RAB5A: variants seen among roughly 807,000 people sequenced by gnomAD.
RAB5A encodes the protein ras-related protein Rab-5A.
A neutral mutation model predicts 25.7 loss-of-function variants in RAB5A; 8 were observed. The ratio of observed to expected loss-of-function variants is 0.31; its 90% CI spans 0.18 to 0.56. The LOEUF (loss-of-function observed/expected upper bound fraction) is 0.56. Among genes scored for constraint, RAB5A ranks in the 20% least tolerant of loss-of-function variants. The pLI, the probability that RAB5A is intolerant of heterozygous loss-of-function variation, is 0.91. For synonymous variants in RAB5A, 98 were observed against 89.8 expected (o/e 1.09, Z -0.52); for missense variants, 192 against 259.7 (o/e 0.74, Z 1.79).
intron 5 of RAB5A, among the ~76,000 whole-genome samples, chr3:19,979,183 G>A (rs955483282): frequency 2.6e-5 from 4 of 151,918 alleles, no homozygotes; most frequent in African/African-American, 7.3e-5. Flanking sequence ...CACCATGTTG[G>A]TCAGGCTGGT....
At chr3:19,978,195 TAGGAATC>T in intron 4 of RAB5A, 108 bp from the exon 5 acceptor site, 1 of 740,672 alleles carries the variant, frequency 1.4e-6, no homozygotes, top group Non-Finnish European at 2.4e-6. Flanking sequence ...TAGATGATTA[TAGGAATC>T]AGGTTGTAGT....
intron 1 of RAB5A, among the ~76,000 whole-genome samples, chr3:19,948,154 T>G (rs1696358107): frequency 6.6e-6 from 1 of 152,194 alleles, no homozygotes; most frequent in African/African-American, 2.4e-5. Flanking sequence ...ACTCCTTCAC[T>G]GGGTAGAGAC....
intron 2 of RAB5A, among the ~76,000 whole-genome samples, chr3:19,969,044 G>GTTTTTTTTTTTTTTTTTTTTTTTTTTTT (rs746635502): frequency 1.5e-5 from 1 of 65,554 alleles, no homozygotes; most frequent in Non-Finnish European, 2.7e-5. Flanking sequence ...TTTTTTTTTT[G>GTTTTTTTTTTTTTTTTTTTTTTTTTTTT]GTTTTTTTTT....
At chr3:19,949,861 A>G (rs1453409171) in intron 1 of RAB5A, among the ~76,000 whole-genome samples, 2 of 151,814 alleles carry the variant, frequency 1.3e-5, no homozygotes, top group Non-Finnish European at 2.9e-5. Context: ...CCTGGGCAAC[A>G]TAGCAGTTAA....
chr3:19,959,954 AT>A (rs1234323983), intron 2 of RAB5A, among the ~76,000 whole-genome samples: 1 of 152,116 alleles, frequency 6.6e-6, no homozygotes, highest in African/African-American at 2.4e-5. Context: ...TTTCCAGATA[AT>A]TGATCTTTTT....
chr3:19,975,614 C>T lies in RAB5A; in HGVS notation c.177C>T (p.Thr59=). Residue 59 remains threonine (T), a synonymous_variant, in exon 3 of 6, where the codon ACC becomes ACT. Coordinates refer to ENST00000273047, the MANE Select transcript of RAB5A (RefSeq NM_004162.5). ...QESTIGAAFL[T]QTVCLDDTTV... ...CTTTTCTTTCAGCTGCTTTTCTAAC[C>T]CAAACTGTATGTCTTGATGACACTA... 1 of 1,609,396 alleles carries T rather than the reference C, an allele frequency of 6.2e-7. No individual in the cohort carries two copies. The highest frequency in any genetic ancestry group is 1.3e-5 in the African/African-American group (1 of 74,736).
intron 2 of RAB5A, among the ~76,000 whole-genome samples, chr3:19,952,781 G>A (rs1696442972): frequency 6.6e-6 from 1 of 151,742 alleles, no homozygotes; most frequent in African/African-American, 2.4e-5. Flanking sequence ...ACATCCACGT[G>A]TGATTTTGTT....
chr3:19,968,001 C>T (rs1696684767), intron 2 of RAB5A, among the ~76,000 whole-genome samples: 1 of 152,176 alleles, frequency 6.6e-6, no homozygotes, highest in African/African-American at 2.4e-5. Flanking sequence ...CTGAGAAAAT[C>T]TGTTATGTCG....
At chr3:19,948,194 T>G (rs1357020874) in intron 1 of RAB5A, among the ~76,000 whole-genome samples, 2 of 152,254 alleles carry the variant, frequency 1.3e-5, no homozygotes, top group Admixed American at 1.3e-4. Flanking sequence ...TTATCTTCCC[T>G]GGAAGCTGCT....
intron 2 of RAB5A, among the ~76,000 whole-genome samples, chr3:19,972,659 G>A (rs1489828923): frequency 6.6e-6 from 1 of 152,086 alleles, no homozygotes; most frequent in Non-Finnish European, 1.5e-5. Flanking sequence ...ATGCCTTTTT[G>A]TAATTTGTTT....
intron 5 of RAB5A, 104 bp downstream of exon 5, chr3:19,978,507 G>C (rs909923745): frequency 4.1e-6 from 3 of 734,502 alleles, no homozygotes; most frequent in African/African-American, 3.5e-5. Flanking sequence ...GGGTGGGTTT[G>C]TGTGTATGTT....
chr3:19,958,582 G>A (rs534727778), intron 2 of RAB5A, among the ~76,000 whole-genome samples: 2 of 152,218 alleles, frequency 1.3e-5, no homozygotes, highest in South Asian at 2.1e-4. Flanking sequence ...GGTGGCTCAC[G>A]CCTGTAATCC....
At chr3:19,948,725 G>A (rs1011460694) in intron 1 of RAB5A, among the ~76,000 whole-genome samples, 5 of 151,524 alleles carry the variant, frequency 3.3e-5, no homozygotes, top group Admixed American at 1.3e-4. Context: ...AAGTCAAAGT[G>A]AAATCAGAAT....
At chr3:19,969,031 G>GTGT (rs1559490064) in intron 2 of RAB5A, among the ~76,000 whole-genome samples, 2 of 99,702 alleles carry the variant, frequency 2.0e-5, no homozygotes, top group African/African-American at 1.0e-4. Context: ...TTTGGTTTTG[G>GTGT]TTTTTTTTTT....
chr3:19,983,635 TATAG>T (rs367932865), intron 5 of RAB5A, 69 bp from the exon 6 acceptor site: 12,817 of 1,024,136 alleles, frequency 0.013, 148 homozygotes, highest in South Asian at 0.028. Flanking sequence ...AAAGAAAAAT[TATAG>T]ATAAGCAGGT....
At chr3:19,969,948 C>T (rs1037842611) in intron 2 of RAB5A, among the ~76,000 whole-genome samples, 5 of 152,046 alleles carry the variant, frequency 3.3e-5, no homozygotes, top group Admixed American at 3.3e-4. Context: ...GGATTACAGG[C>T]TCATGCCACC....
intron 2 of RAB5A, 192 bp downstream of exon 2, chr3:19,951,253 TG>T: frequency 1.8e-6 from 1 of 568,876 alleles, no homozygotes; most frequent in South Asian, 2.9e-5. Context: ...TTTGATTGTT[TG>T]GTTAATCCCT....
chr3:19,975,953 T>C, intron 3 of RAB5A, 94 bp from the exon 4 acceptor site: 1 of 1,465,964 alleles, frequency 6.8e-7, no homozygotes, highest in South Asian at 1.4e-5. Flanking sequence ...TTTCCCACAG[T>C]CACTTGGGAC....
intron 4 of RAB5A, 45 bp from the exon 5 acceptor site, chr3:19,978,264 TC>T: frequency 7.9e-7 from 1 of 1,260,592 alleles, no homozygotes; most frequent in Non-Finnish European, 1.2e-6. Flanking sequence ...GTAGTGTATT[TC>T]CAAGAGATAT....
Sources: gnomAD v4.1 joint callset for allele counts (sites outside exome capture counted in the v4.1 genomes callset) on GRCh38, gnomAD v4.1.1 for gene constraint, MANE v1.5 for transcripts, NCBI Gene and HGNC (gene_info 2026-07-23, HGNC 2026-07-21) for gene names.